Variants in JAKMIP3 observed in about 807,000 individuals in gnomAD.
JAKMIP3 encodes the protein janus kinase and microtubule-interacting protein 3.
In JAKMIP3, 58 loss-of-function variants were observed where a neutral mutation model predicts 118.5. The ratio of observed to expected loss-of-function variants is 0.49; its 90% CI spans 0.40 to 0.61. The LOEUF (loss-of-function observed/expected upper bound fraction) is 0.61. Among genes scored for constraint, JAKMIP3 ranks in the 20% least tolerant of loss-of-function variants. The probability of loss-of-function intolerance (pLI) is 0.00; values close to 1 mark genes in which losing one functional copy is unlikely to be tolerated. For synonymous variants in JAKMIP3, 486 were observed against 451.2 expected, an observed-to-expected ratio of 1.08 and a Z score of -0.98; for missense variants, 950 against 1,109.0, an observed-to-expected ratio of 0.86 and a Z score of 2.04.
intron 1 of JAKMIP3, among the ~76,000 whole-genome samples, chr10:132,078,010 C>T (rs982488782): frequency 3.3e-5 from 5 of 152,218 alleles, no homozygotes; most frequent in Non-Finnish European, 5.9e-5. Context: ...CGGGGTTTCA[C>T]TATGTTGGCC....
intron 1 of JAKMIP3, among the ~76,000 whole-genome samples, chr10:132,103,255 A>G (rs12249383): frequency 0.23 from 34,758 of 151,158 alleles, 4,621 homozygotes; most frequent in African/African-American, 0.38. Context: ...GCCACAGAGG[A>G]GCCCAATGGA....
At chr10:132,151,620 T>C (rs1334862061) in intron 16 of JAKMIP3, among the ~76,000 whole-genome samples, 5 of 152,196 alleles carry the variant, frequency 3.3e-5, no homozygotes, top group Non-Finnish European at 4.4e-5. Context: ...TGATTCACAG[T>C]TGGAGAAGCT....
intron 3 of JAKMIP3, among the ~76,000 whole-genome samples, chr10:132,124,505 G>A (rs77404223): frequency 0.036 from 5,426 of 148,768 alleles, 250 homozygotes; most frequent in East Asian, 0.12. Context: ...ATTGCCACGC[G>A]GTCACCCATC....
rs1405290907 is a variant in JAKMIP3, at chr10:132,183,725, T to G, written c.*2472T>G. The G allele has an allele frequency of 6.6e-6, 1 of 152,222 alleles. No homozygotes were observed. The highest frequency in any genetic ancestry group is 2.4e-5 in the African/African-American group (1 of 41,456). The allele number at this position is 152,222 out of a possible 1,614,324, so 9.4% of individuals were successfully genotyped here. On this transcript the variant is annotated 3_prime_UTR_variant, in exon 24 of 24. Coordinates refer to ENST00000684848, the MANE Select transcript of JAKMIP3 (RefSeq NM_001323087.2). ...GTTCCTCTCCTTAGATATCATTGTT[T>G]TCACTCGTCTATCATAGGCACCTTC... is the stretch of plus-strand genomic sequence containing the variant.
intron 19 of JAKMIP3, among the ~76,000 whole-genome samples, chr10:132,159,394 T>TGA (rs2057583069): frequency 1.1e-5 from 1 of 91,672 alleles, no homozygotes; most frequent in Non-Finnish European, 2.0e-5. Context: ...TATTCCTGTG[T>TGA]CTTACTGAGG....
chr10:132,041,764 C>G (rs2037760789), intron 1 of JAKMIP3, among the ~76,000 whole-genome samples: 2 of 152,218 alleles, frequency 1.3e-5, no homozygotes, highest in African/African-American at 4.8e-5. Flanking sequence ...CCAGCCTGTG[C>G]CAGCAGACAC....
intron 3 of JAKMIP3, among the ~76,000 whole-genome samples, chr10:132,132,798 T>C (rs2050887232): frequency 6.6e-6 from 1 of 152,182 alleles, no homozygotes; most frequent in African/African-American, 2.4e-5. Context: ...GGAGTGGGCC[T>C]GGGCTGGGGA....
intron 12 of JAKMIP3, 32 bp downstream of exon 12, chr10:132,145,222 G>A (rs1234867197): frequency 6.5e-7 from 1 of 1,530,642 alleles, no homozygotes. Flanking sequence ...CGGGCGTGGG[G>A]GCACACGTGG....
intron 1 of JAKMIP3, among the ~76,000 whole-genome samples, chr10:132,100,221 C>T (rs7924197): frequency 0.59 from 89,257 of 151,526 alleles, 26,553 homozygotes; most frequent in East Asian, 0.7. Context: ...CCCGCTCCCA[C>T]CCCGTTGGAG....
chr10:132,101,750 G>A (rs1467966608), intron 1 of JAKMIP3, among the ~76,000 whole-genome samples: 1 of 152,128 alleles, frequency 6.6e-6, no homozygotes, highest in Admixed American at 6.5e-5. Flanking sequence ...GGCTGTCTAT[G>A]AGGACTTGAA....
chr10:132,136,875 G>A (rs2051893120), intron 6 of JAKMIP3, 144 bp from the exon 7 acceptor site: 1 of 834,072 alleles, frequency 1.2e-6, no homozygotes, highest in African/African-American at 1.7e-5. Flanking sequence ...CAGCTGGGCT[G>A]TTCTGAGGCC....
intron 21 of JAKMIP3, among the ~76,000 whole-genome samples, chr10:132,166,396 C>T (rs1234811568): frequency 6.6e-6 from 1 of 152,136 alleles, no homozygotes; most frequent in Admixed American, 6.5e-5. Flanking sequence ...AAGCGATGCC[C>T]CACTGCCCGA....
In JAKMIP3 at chr10:132,133,377, C is replaced by T. The variant is rs759761384; in HGVS notation, c.699C>T (p.Ala233=). The part of the protein sequence containing the change: ...FVLERELGVQ[A]GHAQRLQLQK... ...TGGAGAGAGAGTTAGGGGTTCAAGC[C>T]GGGCATGCTCAGAGACTGCAGCTCC... Residue 233 remains alanine, a synonymous_variant, in exon 4 of 24, where the codon GCC becomes GCT. Transcript: ENST00000684848. 14 of 1,602,732 alleles carry T rather than the reference C, an allele frequency of 8.7e-6. No individual in the cohort carries two copies. Among genetic ancestry groups the T allele is most frequent in the South Asian group, 3.4e-5 (3 of 88,772 alleles).
chr10:132,056,195 C>T (rs980399825), intron 1 of JAKMIP3, among the ~76,000 whole-genome samples: 3 of 152,162 alleles, frequency 2.0e-5, no homozygotes, highest in Non-Finnish European at 4.4e-5. Context: ...CTGTCACCCC[C>T]ACACTCAGTT....
chr10:132,181,814 A>C (rs113228622), intron 23 of JAKMIP3, among the ~76,000 whole-genome samples: 1 of 136,134 alleles, frequency 7.3e-6, no homozygotes, highest in South Asian at 2.9e-4. Context: ...GCGTGCCCTC[A>C]CTCCCGCCCC....
chr10:132,131,362 G>A lies in JAKMIP3; in HGVS notation c.634-1950G>A, dbSNP rs151042606. On this transcript the variant is annotated intron_variant, in intron 3 of 23. Coordinates refer to ENST00000684848, the MANE Select transcript of JAKMIP3 (RefSeq NM_001323087.2). ...ACAGGACTTAACGAGTGAGGGTGTG[G>A]GAGATGGGAGCTCTGGGGTGCAGGT... Among the ~76,000 whole-genome samples the A allele has an allele frequency of 1.6e-4, 25 of 151,682 alleles. 1 individual carries two copies. In the East Asian group the frequency reaches 4.9e-3, roughly 30 times the overall value.
Position 132,117,311 on chromosome 10 carries a change from C to T in JAKMIP3, c.370C>T (p.Arg124Cys), listed in dbSNP as rs375429968. Residue 124 changes from arginine to cysteine, a missense_variant, in exon 3 of 24, where the codon CGT becomes TGT. Arg to Cys is a radical substitution (Grantham distance 180, BLOSUM62 -3). Transcript: ENST00000684848. This position sits in a 1 kb window ranked among gnomAD's most constrained non-coding sequence, Gnocchi z 8.6. ...QRLQALLSALRDGGPEKVKTV... is the reference protein window; with the variant it reads ...QRLQALLSALCDGGPEKVKTV... The stretch of plus-strand genomic sequence containing the variant: ...GCTGCAGGCACTGCTCAGTGCCCTG[C>T]GTGATGGCGGCCCCGAAAAGGTCAA... 5.6e-6 allele frequency: 9 copies of T among 1,613,810 alleles called. No homozygotes were observed. The highest frequency in any genetic ancestry group is 1.3e-5 in the African/African-American group (1 of 74,910).
intron 1 of JAKMIP3, among the ~76,000 whole-genome samples, chr10:132,069,640 A>G (rs544045170): frequency 2.3e-4 from 35 of 152,214 alleles, no homozygotes; most frequent in African/African-American, 8.4e-4. Flanking sequence ...TGTCCATTTC[A>G]GAGTTTCATT....
At chr10:132,130,815 C>T (rs1031707340) in intron 3 of JAKMIP3, among the ~76,000 whole-genome samples, 2 of 152,092 alleles carry the variant, frequency 1.3e-5, no homozygotes, top group African/African-American at 2.4e-5. Flanking sequence ...AGATCATGTC[C>T]GTGGGCTTCA....
Sources: gnomAD v4.1 joint callset for allele counts (sites outside exome capture counted in the v4.1 genomes callset) on GRCh38, gnomAD v4.1.1 for gene constraint, Gnocchi (gnomAD v3.1) non-coding constraint, MANE v1.5 for transcripts, NCBI Gene and HGNC (gene_info 2026-07-23, HGNC 2026-07-21) for gene names.